The following PARP10 variants were observed in gnomAD, a reference collection of about 807,000 sequenced individuals.
The protein encoded by PARP10 is protein mono-ADP-ribosyltransferase PARP10.
Under a neutral mutation model 82.4 loss-of-function variants are expected in PARP10, and 56 were observed. That is an observed-to-expected ratio of 0.68 (90% CI 0.55 to 0.85). The LOEUF (loss-of-function observed/expected upper bound fraction) is 0.85. Ranked by LOEUF, PARP10 falls within the 40% of genes least tolerant of loss-of-function variation. PARP10 has a pLI of 0.00. For missense variants in PARP10, 1,227 were observed against 1,379.4 expected (o/e 0.89, Z 1.75); for synonymous variants, 576 against 601.1 (o/e 0.96, Z 0.61).
intron 9 of PARP10, among the ~76,000 whole-genome samples, chr8:143,981,329 G>A (rs1181606258): frequency 8.1e-6 from 1 of 123,582 alleles, no homozygotes. Context: ...TGGTGGTGAC[G>A]ACAGTGAGTG....
upstream of PARP10, chr8:143,990,656 A>C (rs1834075092): frequency 6.6e-6 from 1 of 151,486 alleles, no homozygotes. This position sits in a 1 kb window ranked among gnomAD's most constrained non-coding sequence, Gnocchi z 5.6. Flanking sequence ...CCCACCCCGG[A>C]GCCAGGGGCC....
At chr8:144,002,766 C>T (rs1834210796) in intron 1 of PARP10, among the ~76,000 whole-genome samples, 1 of 152,078 alleles carries the variant, frequency 6.6e-6, no homozygotes, top group Admixed American at 6.6e-5. Context: ...AAACATTCAA[C>T]ACTATTCAAA....
upstream of PARP10, among the ~76,000 whole-genome samples, chr8:143,995,375 C>G (rs550635129): frequency 7.9e-5 from 12 of 152,264 alleles, no homozygotes; most frequent in African/African-American, 2.9e-4. Flanking sequence ...TCGGGAGGTG[C>G]CAATTAAGCC....
At chr8:143,991,340 G>C, upstream of PARP10, 1 of 1,381,466 alleles carries the variant, frequency 7.2e-7, no homozygotes, top group South Asian at 1.4e-5. Context: ...CCTACCCTGG[G>C]GCCCCTTACC....
intron 7 of PARP10, 58 bp downstream of exon 7, chr8:143,983,950 A>AG: frequency 6.8e-7 from 1 of 1,474,808 alleles, no homozygotes; most frequent in Admixed American, 2.4e-5. Flanking sequence ...AGAGCAGGGC[A>AG]GGGGGTGAGG....
chr8:144,012,491 C>T (rs1834296989), intron 1 of PARP10: 18 of 1,548,278 alleles, frequency 1.2e-5, no homozygotes, highest in Non-Finnish European at 1.3e-5. Context: ...TCCCGTGGGC[C>T]GCACCCTTGC....
chr8:143,991,666 G>C, upstream of PARP10: 1 of 1,595,726 alleles, frequency 6.3e-7, no homozygotes, highest in Non-Finnish European at 8.6e-7. Flanking sequence ...TGTGAGTGGC[G>C]CTGACCCAGC....
rs529458322 is a variant in PARP10, at chr8:144,004,176, G to A, written c.-80+8354C>T. On this transcript the variant is annotated intron_variant, in intron 1 of 3. Transcript: ENST00000530478. ...AAAAATAAAAACAAAAAATTAGCTG[G>A]GTATGGTGGCGCTTGCCTGTAGTCC... Among the ~76,000 whole-genome samples the A allele has an allele frequency of 5.3e-5, 8 of 151,366 alleles. 1 individual carries two copies. In the South Asian group the frequency reaches 1.3e-3, roughly 24 times the overall value.
rs1378319046 is a variant in PARP10, at chr8:143,977,802, G to C, written c.2760C>G (p.Phe920Leu). ...GCACCGACAGGGAGGCGCGCCTGGC[G>C]AAATACACGCCCTTCCCGTAGACCG... ...NATVYGKGVY[F>L]ARRASLSVQD... Residue 920 changes from phenylalanine to leucine, a missense_variant, in exon 11 of 11, where the codon TTC (phenylalanine) becomes TTG (leucine). Coordinates refer to ENST00000313028, the MANE Select transcript of PARP10 (RefSeq NM_032789.5). 3 of 1,601,434 alleles carry C rather than the reference G, an allele frequency of 1.9e-6. No homozygotes were observed. The highest frequency in any genetic ancestry group is 2.6e-6 in the Non-Finnish European group (3 of 1,174,606).
At chr8:144,005,897 A>G (rs1388790338) in intron 1 of PARP10, among the ~76,000 whole-genome samples, 3 of 151,930 alleles carry the variant, frequency 2.0e-5, no homozygotes, top group African/African-American at 7.3e-5. Context: ...CGCACGGAGC[A>G]CAGACCACCA....
At position 143,985,855 on chromosome 8, in the gene PARP10, G is replaced by C. The variant is rs781927960; in HGVS notation, c.302C>G (p.Thr101Arg). 2 of 1,609,352 alleles carry C rather than the reference G, an allele frequency of 1.2e-6. No homozygotes were observed. The highest frequency in any genetic ancestry group is 1.7e-6 in the Non-Finnish European group (2 of 1,178,134). The change falls in exon 3 of 11, where the codon ACG becomes AGG. Residue 101 changes from threonine to arginine, a missense_variant. Physicochemically the swap from Thr to Arg is moderately conservative, Grantham distance 71. Coordinates refer to ENST00000313028, the MANE Select transcript of PARP10 (RefSeq NM_032789.5). ...LLLQGLPPGT[T>R]PQRLEQHVQA... ...GACATGCTGCTCCAAGCGCTGGGGC[G>C]TGGTGCCAGGGGGCAGTCCTTGGAG...
chr8:143,993,013 A>C (rs1587469951), upstream of PARP10: 2 of 613,596 alleles, frequency 3.3e-6, no homozygotes, highest in Non-Finnish European at 2.8e-6. Context: ...TTCCATTTGG[A>C]CCCGCTGTGG....
At chr8:143,992,919 T>C, upstream of PARP10, 2 of 1,254,916 alleles carry the variant, frequency 1.6e-6, no homozygotes, top group East Asian at 2.4e-5. Flanking sequence ...GTGCCAGCTG[T>C]ACTTCCCCTC....
intron 9 of PARP10, among the ~76,000 whole-genome samples, chr8:143,978,651 A>G (rs912188916): frequency 2.6e-5 from 4 of 152,144 alleles, no homozygotes; most frequent in African/African-American, 9.7e-5. Flanking sequence ...GGGTGAGCCA[A>G]ATGAGGAAGT....
upstream of PARP10, chr8:143,992,649 C>G: frequency 6.2e-7 from 1 of 1,613,920 alleles, no homozygotes. Flanking sequence ...GGATGCTGGG[C>G]AGGCAGGCTT....
At chr8:143,981,555 A>G (rs868972334) in intron 9 of PARP10, among the ~76,000 whole-genome samples, 536 of 11,076 alleles carry the variant, frequency 0.048, 8 homozygotes, top group Middle Eastern at 0.079. Flanking sequence ...GATGGTGATG[A>G]TGGTGGTGAC....
At chr8:143,989,508 C>G (rs1455632839), upstream of PARP10, 2 of 152,056 alleles carry the variant, frequency 1.3e-5, no homozygotes, top group African/African-American at 4.8e-5. This position sits in a 1 kb window ranked among gnomAD's most constrained non-coding sequence, Gnocchi z 4.3. Flanking sequence ...TGATGGATAC[C>G]CCATTTACCT....
intron 1 of PARP10, among the ~76,000 whole-genome samples, chr8:144,005,271 A>T (rs1834227995): frequency 6.6e-6 from 1 of 151,856 alleles, no homozygotes; most frequent in Non-Finnish European, 1.5e-5. Flanking sequence ...CTGAAGGTGG[A>T]TGGAAATACA....
Position 143,983,045 on chromosome 8 carries a change from C to T in PARP10, c.2443G>A (p.Gly815Arg), listed in dbSNP as rs1554748090. 12 of 1,613,720 alleles carry T rather than the reference C, an allele frequency of 7.4e-6. No individual in the cohort carries two copies. The highest frequency in any genetic ancestry group is 1.0e-5 in the Non-Finnish European group (12 of 1,179,978). Residue 815 changes from glycine (G) to arginine (R), a missense_variant, in exon 9 of 11, where the codon GGG becomes AGG. By Grantham distance (125) the Gly-to-Arg change is moderately radical. Coordinates refer to ENST00000313028, the MANE Select transcript of PARP10 (RefSeq NM_032789.5). ...GPTLAGQTLKGPWNNLERLAE... is the reference protein window; with the variant it reads ...GPTLAGQTLKRPWNNLERLAE... ...AGACGCTCCAGGTTGTTCCAGGGCC[C>T]CTTCAGCGTCTGCCCCGCCACTGAT... is the stretch of plus-strand genomic sequence containing the variant.
Sources: allele counts gnomAD v4.1 joint callset (sites outside exome capture counted in the v4.1 genomes callset), GRCh38; gene constraint gnomAD v4.1.1; non-coding constraint Gnocchi (gnomAD v3.1); transcripts MANE v1.5; gene names NCBI Gene and HGNC (gene_info 2026-07-23, HGNC 2026-07-21).